The following UTRN variants were observed in gnomAD, a reference collection of about 807,000 sequenced individuals.
The protein encoded by UTRN is utrophin, also known as dystrophin-related protein 1.
UTRN carries 283 observed loss-of-function variants against 463.9 expected under a neutral mutation model. The ratio of observed to expected loss-of-function variants is 0.61; its 90% confidence interval spans 0.55 to 0.67. The LOEUF (loss-of-function observed/expected upper bound fraction) is 0.67, where lower values mean the gene tolerates loss of function less well. Among genes scored for constraint, UTRN ranks in the 30% least tolerant of loss-of-function variants. The probability of loss-of-function intolerance (pLI) is 0.00; values close to 1 mark genes in which losing one functional copy is unlikely to be tolerated. For synonymous variants in UTRN, 1,442 were observed against 1,431.5 expected (o/e 1.01, Z -0.17); for missense variants, 3,922 against 4,084.3 (o/e 0.96, Z 1.08).
chr6:144,609,768 A>G (rs896358140), intron 51 of UTRN, among the ~76,000 whole-genome samples: 1 of 152,222 alleles, frequency 6.6e-6, no homozygotes, highest in Admixed American at 6.5e-5. Flanking sequence ...GAAATCAATA[A>G]CAGGAGAAAT....
At position 144,597,235 on chromosome 6, in the gene UTRN, C is replaced by CAA. The variant is rs67471247; in HGVS notation, c.7479+19963_7479+19964dup. ...CCTGGGCAACAGAGTGAGACTGTCT[C>CAA]AAAAAAAAAAAAAAAAAGTGCCTTA... On this transcript the variant is annotated intron_variant, in intron 51 of 74. Transcript: ENST00000367545. Among the ~76,000 whole-genome samples the CAA allele has an allele frequency of 3.1e-3, 262 of 85,716 alleles. 5 individuals carry two copies. The highest frequency in any genetic ancestry group is 9.4e-3 in the African/African-American group (241 of 25,528). 56.2% of individuals were successfully genotyped at this position (85,716 alleles called of 152,430 possible).
At chr6:144,519,403 C>G (rs1585098691) in intron 39 of UTRN, among the ~76,000 whole-genome samples, 1 of 152,136 alleles carries the variant, frequency 6.6e-6, no homozygotes, top group Non-Finnish European at 1.5e-5. Context: ...AAAAACAAAA[C>G]TTAGAAATTT....
intron 51 of UTRN, among the ~76,000 whole-genome samples, chr6:144,662,035 CAA>C (rs1416487841): frequency 6.6e-6 from 1 of 151,196 alleles, no homozygotes; most frequent in Non-Finnish European, 1.5e-5. Context: ...ATTTTTGAGA[CAA>C]AAGGCGAACT....
chr6:144,551,146 C>T, intron 48 of UTRN, 64 bp downstream of exon 48: 1 of 773,880 alleles, frequency 1.3e-6, no homozygotes, highest in Non-Finnish European at 2.0e-6. Flanking sequence ...GACACACACA[C>T]ACACACACAC....
chr6:144,503,102 G>GT (rs1162311367), intron 34 of UTRN, among the ~76,000 whole-genome samples: 5 of 151,902 alleles, frequency 3.3e-5, no homozygotes, highest in Admixed American at 2.0e-4. Flanking sequence ...GGAGTTGTTT[G>GT]TTTTTTTCTT....
intron 53 of UTRN, among the ~76,000 whole-genome samples, chr6:144,719,633 C>A (rs1786889004): frequency 6.6e-6 from 1 of 151,916 alleles, no homozygotes. Flanking sequence ...ATTGCAAAGA[C>A]CATGAGGAGG....
At chr6:144,609,828 G>A (rs1462649996) in intron 51 of UTRN, among the ~76,000 whole-genome samples, 1 of 152,012 alleles carries the variant, frequency 6.6e-6, no homozygotes, top group African/African-American at 2.4e-5. Flanking sequence ...CTCCTAAACA[G>A]CCACTGGGTC....
chr6:144,825,231 T>C (rs191224899), intron 66 of UTRN, among the ~76,000 whole-genome samples: 1 of 152,178 alleles, frequency 6.6e-6, no homozygotes, highest in Non-Finnish European at 1.5e-5. Flanking sequence ...TCTGGAATAT[T>C]AGTGTGTGAT....
chr6:144,804,296 A>C (rs1047864886), intron 65 of UTRN, among the ~76,000 whole-genome samples: 4 of 152,224 alleles, frequency 2.6e-5, no homozygotes, highest in African/African-American at 9.6e-5. Context: ...TAATGGAGGA[A>C]GTGCCCACAT....
At chr6:144,827,094 A>T (rs1402544613) in intron 66 of UTRN, among the ~76,000 whole-genome samples, 1 of 152,120 alleles carries the variant, frequency 6.6e-6, no homozygotes, top group Non-Finnish European at 1.5e-5. Flanking sequence ...CTGTTTAAAG[A>T]TGTGTTTGCT....
Position 144,821,028 on chromosome 6 carries a change from A to C in UTRN, c.9494+10A>C. On this transcript the variant is annotated intron_variant, in intron 66 of 74. Transcript: ENST00000367545. ...GTGACAACTTAGAGACGTAAGTTTG[A>C]TTTTAATATTAAATCTAGTGTGAAC... 1 of 1,611,658 alleles carries C rather than the reference A, an allele frequency of 6.2e-7. No homozygotes were observed. Among genetic ancestry groups the C allele is most frequent in the Non-Finnish European group, 8.5e-7 (1 of 1,179,128 alleles).
At chr6:144,543,926 A>C (rs896267221) in intron 46 of UTRN, among the ~76,000 whole-genome samples, 1 of 152,130 alleles carries the variant, frequency 6.6e-6, no homozygotes, top group Non-Finnish European at 1.5e-5. Context: ...AAGTTTCTTG[A>C]TTAATATTCA....
chr6:144,546,981 G>A (rs374182512), intron 46 of UTRN, among the ~76,000 whole-genome samples: 9 of 152,308 alleles, frequency 5.9e-5, no homozygotes, highest in African/African-American at 1.4e-4. Context: ...GTGATGTCAC[G>A]TTATGTAGAC....
intron 3 of UTRN, among the ~76,000 whole-genome samples, chr6:144,403,750 T>C (rs887400448): frequency 6.6e-6 from 1 of 152,176 alleles, no homozygotes; most frequent in African/African-American, 2.4e-5. Flanking sequence ...TATTTTTTCA[T>C]AGGGGCAGAG....
intron 55 of UTRN, among the ~76,000 whole-genome samples, chr6:144,749,240 C>A (rs1297046895): frequency 1.3e-5 from 2 of 151,826 alleles, no homozygotes; most frequent in Admixed American, 6.6e-5. Context: ...TAAAGTATAC[C>A]CCAAATCTCA....
chr6:144,667,709 A>G (rs1402657609), intron 51 of UTRN, among the ~76,000 whole-genome samples: 2 of 152,222 alleles, frequency 1.3e-5, no homozygotes, highest in Non-Finnish European at 2.9e-5. Context: ...AGATGACACC[A>G]AAGAACTTTT....
At chr6:144,818,007 G>A (rs910606198) in intron 65 of UTRN, among the ~76,000 whole-genome samples, 1 of 152,108 alleles carries the variant, frequency 6.6e-6, no homozygotes, top group Non-Finnish European at 1.5e-5. Context: ...TGGTGGTTTT[G>A]CTTTGGTCTT....
chr6:144,594,226 C>T (rs1430155504), intron 51 of UTRN, among the ~76,000 whole-genome samples: 2 of 152,082 alleles, frequency 1.3e-5, no homozygotes, highest in South Asian at 2.1e-4. Context: ...GGAAGCAGTG[C>T]CTTAACATCT....
chr6:144,754,305 CAGTT>C (rs915200730), intron 56 of UTRN, among the ~76,000 whole-genome samples: 6 of 152,168 alleles, frequency 3.9e-5, no homozygotes, highest in Admixed American at 1.3e-4. Context: ...TGCAGAGTAA[CAGTT>C]AGGGCACAGA....
Sources: gnomAD v4.1 joint callset for allele counts (sites outside exome capture counted in the v4.1 genomes callset) on GRCh38, gnomAD v4.1.1 for gene constraint, MANE v1.5 for transcripts, NCBI Gene and HGNC (gene_info 2026-07-23, HGNC 2026-07-21) for gene names.